The following SNX12 variants were observed in gnomAD, a reference collection of about 807,000 sequenced individuals.
The protein encoded by SNX12 is sorting nexin 12.
For synonymous variants in SNX12, 47 were observed against 56.0 expected (o/e 0.84, Z 0.71); for missense variants, 62 against 141.3 (o/e 0.44, Z 2.84).
At chrX:71,071,687 A>T (rs1309119731), upstream of SNX12, among the ~76,000 whole-genome samples, 2 of 69,835 alleles carry the variant, frequency 2.9e-5, no homozygotes, top group Non-Finnish European at 5.0e-5. Context: ...AAATATATTT[A>T]TATATAAATA....
upstream of SNX12, among the ~76,000 whole-genome samples, chrX:71,070,653 T>G (rs190861531): frequency 3.6e-5 from 4 of 111,218 alleles, no homozygotes; most frequent in African/African-American, 1.3e-4. Context: ...GTTAGAGAGA[T>G]AGAGATATGA....
At position 71,062,169 on chromosome X, in the gene SNX12, CCA is replaced by C. The variant is rs748252109; in HGVS notation, c.262-204_262-203del. On this transcript the variant is annotated intron_variant, in intron 2 of 3. Transcript: ENST00000374274. ...CCGTTTCTGTGGGAAGACAGGTTTA[CCA>C]CCTCAAAAGAAGGAAATAAACTCCA... Among the ~76,000 whole-genome samples, 228 of 111,265 alleles carry C rather than the reference CCA, an allele frequency of 2.0e-3. 3 individuals carry two copies. The highest frequency in any genetic ancestry group is 7.2e-3 in the African/African-American group (220 of 30,612).
rs2092123857 is a variant in SNX12, at chrX:71,059,536, G to C, written c.*1480C>G. 1 of 112,147 alleles carries C rather than the reference G, an allele frequency of 8.9e-6. No homozygotes were observed. The highest frequency in any genetic ancestry group is 3.2e-5 in the African/African-American group (1 of 30,809). 9.2% of individuals were successfully genotyped at this position (112,147 alleles called of 1,213,427 possible). A position where few individuals can be genotyped will look rare whatever the true frequency, so the allele number is the denominator to read the frequency against. On this transcript the variant is annotated 3_prime_UTR_variant, in exon 4 of 4. Coordinates refer to ENST00000374274, the MANE Select transcript of SNX12 (RefSeq NM_013346.4). ...CCCTGGCGCAGGCTCAGCAGCTGGA[G>C]AGCTGTCTCAGGGAACTTCAACATT... is the stretch of plus-strand genomic sequence containing the variant.
At chrX:71,062,268 T>C (rs1656404684) in intron 2 of SNX12, among the ~76,000 whole-genome samples, 1 of 111,172 alleles carries the variant, frequency 9.0e-6, no homozygotes, top group African/African-American at 3.3e-5. Flanking sequence ...ACACTAGACT[T>C]TCCATTTTTA....
upstream of SNX12, chrX:71,068,594 A>C: frequency 9.7e-6 from 2 of 206,240 alleles, no homozygotes; most frequent in Admixed American, 7.4e-5. Flanking sequence ...GCAGTACCCA[A>C]TACCCTGCCT....
At chrX:71,068,080 TC>T (rs1352343008) in intron 1 of SNX12, 61 bp downstream of exon 1, 6 of 625,337 alleles carry the variant, frequency 9.6e-6, no homozygotes, top group Non-Finnish European at 1.1e-5. Flanking sequence ...GTAGCCTCCC[TC>T]CCCCCTCCCG....
chrX:71,071,477 T>A (rs2147711167), upstream of SNX12, among the ~76,000 whole-genome samples: 1 of 71,051 alleles, frequency 1.4e-5, no homozygotes, highest in East Asian at 4.1e-4. Flanking sequence ...ATAATTATTA[T>A]AGTTTATATT....
intron 2 of SNX12, among the ~76,000 whole-genome samples, chrX:71,062,368 C>CTTTTTTTTT (rs761195647): frequency 2.8e-5 from 2 of 71,396 alleles, no homozygotes; most frequent in East Asian, 4.2e-4. Flanking sequence ...TTACCACTTT[C>CTTTTTTTTT]TTTTTTTTTT....
intron 1 of SNX12, among the ~76,000 whole-genome samples, chrX:71,067,873 T>C (rs2092159369): frequency 9.1e-6 from 1 of 110,409 alleles, no homozygotes; most frequent in African/African-American, 3.3e-5. Context: ...CTAATCTTTT[T>C]CCATCCACCC....
At chrX:71,070,651 GAT>G (rs1652227017), upstream of SNX12, among the ~76,000 whole-genome samples, 1 of 111,787 alleles carries the variant, frequency 8.9e-6, no homozygotes, top group Non-Finnish European at 1.9e-5. Context: ...GGGTTAGAGA[GAT>G]AGAGATATGA....
At chrX:71,067,277 T>C (rs2092157202) in intron 1 of SNX12, among the ~76,000 whole-genome samples, 1 of 112,119 alleles carries the variant, frequency 8.9e-6, no homozygotes. Context: ...ATGTCATGTA[T>C]TAAAGTAACT....
chrX:71,069,733 G>C (rs920338674), upstream of SNX12, among the ~76,000 whole-genome samples: 13 of 111,769 alleles, frequency 1.2e-4, no homozygotes, highest in Non-Finnish European at 2.1e-4. Flanking sequence ...TTGAGGTCAA[G>C]AGTTCGAGAT....
intron 1 of SNX12, among the ~76,000 whole-genome samples, chrX:71,063,503 A>C (rs1261437782): frequency 9.1e-6 from 1 of 110,023 alleles, no homozygotes; most frequent in Admixed American, 9.8e-5. Context: ...TCTCAAAAAA[A>C]AAAAAAAGAG....
At chrX:71,069,058 T>G (rs1181143353), upstream of SNX12, among the ~76,000 whole-genome samples, 1 of 112,254 alleles carries the variant, frequency 8.9e-6, no homozygotes, top group Non-Finnish European at 1.9e-5. Context: ...CTATTTCTAC[T>G]CCGCAGAACT....
At chrX:71,065,259 G>A (rs1403249407) in intron 1 of SNX12, among the ~76,000 whole-genome samples, 4 of 104,938 alleles carry the variant, frequency 3.8e-5, no homozygotes, top group Non-Finnish European at 7.8e-5. Context: ...TCAGGAAGGT[G>A]AGGCAGGAGA....
upstream of SNX12, among the ~76,000 whole-genome samples, chrX:71,070,392 G>A (rs1043681192): frequency 8.9e-6 from 1 of 111,884 alleles, no homozygotes; most frequent in African/African-American, 3.2e-5. Context: ...AAATAGATAC[G>A]ACTTGTACGT....
At chrX:71,072,906 T>TAA (rs2092177131), upstream of SNX12, among the ~76,000 whole-genome samples, 1 of 101,433 alleles carries the variant, frequency 9.9e-6, no homozygotes, top group Non-Finnish European at 2.0e-5. Flanking sequence ...CTGGCTTCCA[T>TAA]ACACACACAC....
At chrX:71,066,057 T>A (rs910621535) in intron 1 of SNX12, among the ~76,000 whole-genome samples, 1 of 111,867 alleles carries the variant, frequency 8.9e-6, no homozygotes, top group African/African-American at 3.2e-5. Flanking sequence ...GTTTTGCTAC[T>A]AAGTGTTGTC....
Position 71,060,695 on chromosome X carries a change from G to A in SNX12, c.*321C>T, listed in dbSNP as rs979604631. 3.6e-6 allele frequency: 1 copy of A among 281,308 alleles called. No homozygotes were observed. The highest frequency in any genetic ancestry group is 6.4e-6 in the Non-Finnish European group (1 of 157,222). The allele number at this position is 281,308 out of a possible 1,213,427, so 23.2% of individuals were successfully genotyped here. A position where few individuals can be genotyped will look rare whatever the true frequency, so the allele number is the denominator to read the frequency against. Reference sequence around the variant, plus strand: ...CAGTATGTATCCAAGTGCCTCACCAGCACAAGCGCCCCCCTCCCCCCAGGT... The same window carrying A: ...CAGTATGTATCCAAGTGCCTCACCAACACAAGCGCCCCCCTCCCCCCAGGT... On this transcript the variant is annotated 3_prime_UTR_variant, in exon 4 of 4. Coordinates refer to ENST00000374274, the MANE Select transcript of SNX12 (RefSeq NM_013346.4).
Sources: gnomAD v4.1 joint callset for allele counts (sites outside exome capture counted in the v4.1 genomes callset) on GRCh38, gnomAD v4.1.1 for gene constraint, MANE v1.5 for transcripts, NCBI Gene and HGNC (gene_info 2026-07-23, HGNC 2026-07-21) for gene names.